The following PAX5 variants were observed in gnomAD, a reference collection of about 807,000 sequenced individuals.
PAX5 encodes paired box protein Pax-5.
Under a neutral mutation model 43.7 loss-of-function variants are expected in PAX5, and 9 were observed. The observed-to-expected ratio is 0.21, with a 90% CI of 0.12 to 0.36. The LOEUF is 0.36. Among genes scored for constraint, PAX5 ranks in the 10% least tolerant of loss-of-function variants. The probability of loss-of-function intolerance (pLI) is 1.00; values close to 1 mark genes in which losing one functional copy is unlikely to be tolerated. For synonymous variants in PAX5, 228 were observed against 214.3 expected (o/e 1.06, Z -0.56); for missense variants, 383 against 532.7 (o/e 0.72, Z 2.77).
chr9:36,949,549 T>C (rs1340122285), intron 6 of PAX5, among the ~76,000 whole-genome samples: 4 of 152,176 alleles, frequency 2.6e-5, no homozygotes, highest in Non-Finnish European at 5.9e-5. Context: ...ACTCCAGAGG[T>C]AAGCCTACAT....
chr9:36,881,989 A>G lies in PAX5; in HGVS notation c.1012+15T>C, dbSNP rs2131761913. On this transcript the variant is annotated intron_variant, in intron 8 of 9. Coordinates refer to ENST00000358127, the MANE Select transcript of PAX5 (RefSeq NM_016734.3). ...TCCGCTGCCTGCTGTGGAGACGCCG[A>G]CAGTGCAAACTCACCAGGCACCATC... is the stretch of plus-strand genomic sequence containing the variant. 1.9e-6 allele frequency: 3 copies of G among 1,596,948 alleles called. No homozygotes were observed. The highest frequency in any genetic ancestry group is 2.6e-6 in the Non-Finnish European group (3 of 1,169,548).
intron 6 of PAX5, among the ~76,000 whole-genome samples, chr9:36,953,835 G>A (rs1045805390): frequency 6.6e-6 from 1 of 152,116 alleles, no homozygotes; most frequent in Non-Finnish European, 1.5e-5. Context: ...TACTTTGGGG[G>A]GCCAAGGCAG....
chr9:36,888,178 A>T (rs2131799865), intron 7 of PAX5, among the ~76,000 whole-genome samples: 1 of 152,346 alleles, frequency 6.6e-6, no homozygotes, highest in South Asian at 2.1e-4. Flanking sequence ...TGCTGGTAGG[A>T]ATGTAAAATG....
intron 2 of PAX5, among the ~76,000 whole-genome samples, chr9:37,018,972 A>G (rs1281268487): frequency 6.6e-6 from 1 of 152,132 alleles, no homozygotes; most frequent in African/African-American, 2.4e-5. Context: ...CAGCGAGCAA[A>G]ATGTCGGCTC....
chr9:36,993,444 G>T (rs1219052176), intron 5 of PAX5, among the ~76,000 whole-genome samples: 3 of 151,990 alleles, frequency 2.0e-5, no homozygotes. Flanking sequence ...ATGCCAAGAG[G>T]ACTTGAGATG....
chr9:36,952,132 T>A (rs1588065543), intron 6 of PAX5, among the ~76,000 whole-genome samples: 2 of 152,130 alleles, frequency 1.3e-5, no homozygotes, highest in Admixed American at 6.6e-5. Flanking sequence ...TTGGTTACCA[T>A]CACTTCTTAA....
chr9:36,959,283 C>T (rs1462741563), intron 6 of PAX5, among the ~76,000 whole-genome samples: 1 of 152,204 alleles, frequency 6.6e-6, no homozygotes, highest in African/African-American at 2.4e-5. Context: ...CTTCTAAAAC[C>T]ACATGTATGA....
chr9:36,931,679 T>C (rs1442024606), intron 6 of PAX5, among the ~76,000 whole-genome samples: 1 of 151,798 alleles, frequency 6.6e-6, no homozygotes, highest in Non-Finnish European at 1.5e-5. Flanking sequence ...TGAAACCCCA[T>C]CTCTACTATA....
chr9:36,869,928 A>G, intron 8 of PAX5, among the ~76,000 whole-genome samples: 2 of 145,852 alleles, frequency 1.4e-5, no homozygotes, highest in Admixed American at 6.8e-5. Flanking sequence ...GGATGGATGG[A>G]TGGATGGATA....
chr9:36,918,913 T>G (rs894373215), intron 7 of PAX5, among the ~76,000 whole-genome samples: 1 of 152,232 alleles, frequency 6.6e-6, no homozygotes, highest in Non-Finnish European at 1.5e-5. Context: ...AGATCATTGA[T>G]GGAGGTGACT....
chr9:36,912,698 T>C (rs1829399771), intron 7 of PAX5, among the ~76,000 whole-genome samples: 1 of 152,140 alleles, frequency 6.6e-6, no homozygotes, highest in African/African-American at 2.4e-5. Flanking sequence ...CCTCCCACCC[T>C]ACCCAGGTAT....
intron 5 of PAX5, among the ~76,000 whole-genome samples, chr9:36,977,045 A>G (rs1835495323): frequency 6.6e-6 from 1 of 152,150 alleles, no homozygotes; most frequent in Non-Finnish European, 1.5e-5. Flanking sequence ...CCCCTACTGG[A>G]GGATGAAGAC....
At chr9:36,999,209 T>C (rs1053292480) in intron 5 of PAX5, among the ~76,000 whole-genome samples, 2 of 152,184 alleles carry the variant, frequency 1.3e-5, no homozygotes, top group Non-Finnish European at 2.9e-5. Context: ...GTGCTGGTCC[T>C]CTCCCTGCAC....
chr9:36,918,587 C>G (rs1395064831), intron 7 of PAX5, among the ~76,000 whole-genome samples: 4 of 152,034 alleles, frequency 2.6e-5, no homozygotes, highest in African/African-American at 4.8e-5. Context: ...TGCTTGGGTC[C>G]AGGAGGTCAA....
At chr9:37,024,231 G>A (rs571852364) in intron 1 of PAX5, among the ~76,000 whole-genome samples, 1 of 152,320 alleles carries the variant, frequency 6.6e-6, no homozygotes, top group African/African-American at 2.4e-5. Context: ...GAAGAGAGCA[G>A]GAGGTTATCG....
intron 9 of PAX5, among the ~76,000 whole-genome samples, chr9:36,844,537 G>A (rs1368290017): frequency 2.0e-5 from 3 of 152,182 alleles, no homozygotes; most frequent in Admixed American, 6.5e-5. Flanking sequence ...GATGAATGGA[G>A]CTTTGCTTCC....
intron 8 of PAX5, among the ~76,000 whole-genome samples, chr9:36,848,597 G>A (rs1423094718): frequency 6.6e-6 from 1 of 152,168 alleles, no homozygotes; most frequent in Non-Finnish European, 1.5e-5. Flanking sequence ...TAGAGACACA[G>A]CGCAGCCTGG....
chr9:36,966,366 A>G (rs969244778), intron 6 of PAX5, among the ~76,000 whole-genome samples, 183 bp downstream of exon 6: 8 of 152,220 alleles, frequency 5.3e-5, no homozygotes, highest in Non-Finnish European at 1.2e-4. Flanking sequence ...AGGCCCAGAC[A>G]AGCCCTCCCG....
At chr9:36,849,198 G>A (rs1822905881) in intron 8 of PAX5, among the ~76,000 whole-genome samples, 1 of 152,218 alleles carries the variant, frequency 6.6e-6, no homozygotes, top group African/African-American at 2.4e-5. Context: ...CCAGCTTGGT[G>A]CCCAGTCCAC....
Sources: allele counts gnomAD v4.1 joint callset (sites outside exome capture counted in the v4.1 genomes callset), GRCh38; gene constraint gnomAD v4.1.1; transcripts MANE v1.5; gene names NCBI Gene and HGNC (gene_info 2026-07-23, HGNC 2026-07-21).